Variants in PXDNL observed in about 807,000 individuals in gnomAD.
PXDNL encodes the protein peroxidasin like, also known as probable oxidoreductase PXDNL.
Under a neutral mutation model 150.8 loss-of-function variants are expected in PXDNL, and 145 were observed. The observed-to-expected ratio is 0.96, with a 90% CI of 0.84 to 1.10. The LOEUF (loss-of-function observed/expected upper bound fraction) is 1.10. Ranked by LOEUF, PXDNL falls within the 50% of genes least tolerant of loss-of-function variation. The pLI, the probability that PXDNL is intolerant of heterozygous loss-of-function variation, is 0.00. For missense variants in PXDNL, 2,087 were observed against 1,873.9 expected (o/e 1.11, Z -2.10); for synonymous variants, 757 against 725.7 (o/e 1.04, Z -0.69).
chr8:51,353,217 T>G (rs1470515650), intron 19 of PXDNL, among the ~76,000 whole-genome samples: 1 of 150,440 alleles, frequency 6.6e-6, no homozygotes, highest in Non-Finnish European at 1.5e-5. Flanking sequence ...ATATATAATT[T>G]CTTATAGTTA....
At chr8:51,484,229 G>A (rs1008997129) in intron 5 of PXDNL, among the ~76,000 whole-genome samples, 2 of 152,024 alleles carry the variant, frequency 1.3e-5, no homozygotes, top group Admixed American at 6.6e-5. Flanking sequence ...TTGAGGCCAG[G>A]AGTTCGAGAC....
chr8:51,649,141 C>G (rs1447503303), intron 2 of PXDNL, among the ~76,000 whole-genome samples: 1 of 151,968 alleles, frequency 6.6e-6, no homozygotes, highest in African/African-American at 2.4e-5. Context: ...AAACAACATG[C>G]TTTAAGAAAA....
chr8:51,590,042 T>C (rs1813409390), intron 3 of PXDNL, among the ~76,000 whole-genome samples: 1 of 152,132 alleles, frequency 6.6e-6, no homozygotes, highest in South Asian at 2.1e-4. Flanking sequence ...TTTCAGGGAA[T>C]GGGCTCAAGA....
chr8:51,447,206 C>G, intron 11 of PXDNL, 44 bp from the exon 12 acceptor site: 2 of 1,589,436 alleles, frequency 1.3e-6, no homozygotes, highest in Non-Finnish European at 1.7e-6. Context: ...GCCCAGAGCA[C>G]TGAAAGCCAG....
intron 21 of PXDNL, among the ~76,000 whole-genome samples, chr8:51,323,434 C>T (rs1353125753): frequency 6.6e-6 from 1 of 151,970 alleles, no homozygotes; most frequent in Non-Finnish European, 1.5e-5. Context: ...TGTATGCCAC[C>T]ACGTCCAGCT....
At chr8:51,448,948 C>A in intron 11 of PXDNL, 54 bp downstream of exon 11, 1 of 866,500 alleles carries the variant, frequency 1.2e-6, no homozygotes, top group Non-Finnish European at 1.9e-6. Flanking sequence ...TTTTTACTAT[C>A]CACAAAAGAA....
intron 1 of PXDNL, among the ~76,000 whole-genome samples, chr8:51,748,452 T>G (rs536743106): frequency 6.6e-6 from 1 of 152,142 alleles, no homozygotes; most frequent in Admixed American, 6.5e-5. Context: ...AACCCTGCAT[T>G]GTGGGTGGGC....
chr8:51,374,848 A>G, intron 17 of PXDNL, 117 bp from the exon 18 acceptor site: 1 of 1,194,336 alleles, frequency 8.4e-7, no homozygotes, highest in Non-Finnish European at 1.2e-6. Flanking sequence ...AAAAGTAGAT[A>G]TGATTACTGT....
At chr8:51,455,987 C>T (rs1440158668) in intron 9 of PXDNL, among the ~76,000 whole-genome samples, 2 of 151,970 alleles carry the variant, frequency 1.3e-5, no homozygotes, top group Non-Finnish European at 2.9e-5. Context: ...TCCTGGAAAA[C>T]CTCTTGATTC....
chr8:51,413,368 CT>C, intron 14 of PXDNL, 110 bp from the exon 15 acceptor site: 1 of 643,062 alleles, frequency 1.6e-6, no homozygotes, highest in South Asian at 1.9e-5. Flanking sequence ...CATTTAAAAC[CT>C]CTAAGACAAT....
chr8:51,374,679 C>T lies in PXDNL; in HGVS notation c.3610G>A (p.Asp1204Asn), dbSNP rs776635400. The change falls in exon 18 of 23, where the codon GAC becomes AAC. Residue 1204 changes from aspartate (D) to asparagine (N), a missense_variant. By Grantham distance (23) the Asp-to-Asn change is conservative (BLOSUM62 1). Coordinates refer to ENST00000356297, the MANE Select transcript of PXDNL (RefSeq NM_144651.5). The part of the protein sequence containing the change: ...IDLWPALMVE[D>N]LIPGTRVGPT... ...CCCACTCTTGTACCAGGAATCAGGT[C>T]TTCAACCATAAGGGCGGGCCAGAGG... 1.2e-6 allele frequency: 2 copies of T among 1,613,936 alleles called. No homozygotes were observed. Among genetic ancestry groups the T allele is most frequent in the South Asian group, 2.2e-5 (2 of 91,074 alleles).
chr8:51,607,913 G>A (rs1315128004), intron 2 of PXDNL, among the ~76,000 whole-genome samples: 1 of 129,646 alleles, frequency 7.7e-6, no homozygotes, highest in Non-Finnish European at 1.6e-5. Flanking sequence ...AGGGAGGGAG[G>A]GAAGGAAGGA....
At chr8:51,512,406 G>A (rs1249862830) in intron 4 of PXDNL, among the ~76,000 whole-genome samples, 1 of 152,182 alleles carries the variant, frequency 6.6e-6, no homozygotes, top group Non-Finnish European at 1.5e-5. Flanking sequence ...CAAAGGAGGA[G>A]ATATTCCAAT....
chr8:51,403,370 T>G (rs1401612396), intron 17 of PXDNL, among the ~76,000 whole-genome samples: 1 of 152,134 alleles, frequency 6.6e-6, no homozygotes, highest in Non-Finnish European at 1.5e-5. Flanking sequence ...GAGGAGTAGA[T>G]GCCAAGGAAC....
chr8:51,437,699 A>T (rs1370817069), intron 12 of PXDNL, among the ~76,000 whole-genome samples: 1 of 152,240 alleles, frequency 6.6e-6, no homozygotes, highest in African/African-American at 2.4e-5. Context: ...TAAGGTAATA[A>T]AAGCCATCTA....
chr8:51,351,043 G>C (rs2130719212), intron 19 of PXDNL, among the ~76,000 whole-genome samples: 1 of 152,302 alleles, frequency 6.6e-6, no homozygotes, highest in South Asian at 2.1e-4. Context: ...TTTGAAGTGA[G>C]ACGGTTCCAG....
intron 4 of PXDNL, among the ~76,000 whole-genome samples, chr8:51,525,743 A>T (rs1271217386): frequency 1.3e-5 from 2 of 152,198 alleles, no homozygotes; most frequent in Non-Finnish European, 2.9e-5. Flanking sequence ...CTGAGCACTG[A>T]AGGAACCAGG....
intron 11 of PXDNL, among the ~76,000 whole-genome samples, chr8:51,448,711 AC>A (rs1809737488): frequency 6.8e-6 from 1 of 146,660 alleles, no homozygotes; most frequent in South Asian, 2.3e-4. Context: ...AAACAAACAA[AC>A]AAACAAACAA....
chr8:51,379,769 T>A (rs528888690), intron 17 of PXDNL, among the ~76,000 whole-genome samples: 1 of 152,312 alleles, frequency 6.6e-6, no homozygotes, highest in East Asian at 1.9e-4. Context: ...TTATTTTTTG[T>A]GAAGTTAAAA....
Sources: allele counts gnomAD v4.1 joint callset (sites outside exome capture counted in the v4.1 genomes callset), GRCh38; gene constraint gnomAD v4.1.1; transcripts MANE v1.5; gene names NCBI Gene and HGNC (gene_info 2026-07-23, HGNC 2026-07-21).